THRB: variants seen among roughly 807,000 people sequenced by gnomAD.
The protein encoded by THRB is thyroid hormone receptor beta.
A neutral mutation model predicts 47.8 loss-of-function variants in THRB; 12 were observed. The observed-to-expected ratio is 0.25, with a 90% CI of 0.16 to 0.41. The LOEUF is 0.41. THRB is among the 10% of genes least tolerant of loss of function. THRB has a pLI of 1.00. For missense variants in THRB, 348 were observed against 589.2 expected (o/e 0.59, Z 4.24); for synonymous variants, 218 against 212.2 (o/e 1.03, Z -0.24).
At chr3:24,259,328 A>G (rs931140925) in intron 3 of THRB, among the ~76,000 whole-genome samples, 4 of 152,206 alleles carry the variant, frequency 2.6e-5, no homozygotes, top group South Asian at 2.1e-4. Context: ...CAACTACGGC[A>G]TGGAAAAGAG....
At position 24,223,232 on chromosome 3, in the gene THRB, T is replaced by A. The variant is rs561035363; in HGVS notation, c.22+5706A>T. Among the ~76,000 whole-genome samples the A allele has an allele frequency of 1.6e-4, 25 of 152,310 alleles. No individual in the cohort carries two copies. The East Asian group carries it at 4.4e-3, about 27-fold the overall frequency. On this transcript the variant is annotated intron_variant, in intron 4 of 10. Transcript: ENST00000646209. ...CTCACCACTTTGTGTGAGTGTTTGG[T>A]GCACAAAGGTAACAATGCAAGTGTT... is the stretch of plus-strand genomic sequence containing the variant.
intron 4 of THRB, among the ~76,000 whole-genome samples, chr3:24,204,933 C>T (rs200431391): frequency 7.9e-5 from 12 of 152,010 alleles, no homozygotes; most frequent in Admixed American, 6.6e-5. Context: ...TGAAATGAAG[C>T]AAGAAGAGAA....
chr3:24,299,141 G>C (rs865907180), intron 2 of THRB, among the ~76,000 whole-genome samples: 1 of 151,126 alleles, frequency 6.6e-6, no homozygotes, highest in Non-Finnish European at 1.5e-5. Flanking sequence ...CCAGCTACTC[G>C]GGAGGCTGAG....
chr3:24,479,653 G>A (rs1696068419), intron 1 of THRB, among the ~76,000 whole-genome samples: 1 of 152,154 alleles, frequency 6.6e-6, no homozygotes, highest in South Asian at 2.1e-4. Context: ...ATGCTGGTGT[G>A]GTCAGCTTAG....
At chr3:24,176,894 TAACA>T (rs768629723) in intron 5 of THRB, among the ~76,000 whole-genome samples, 25 of 152,178 alleles carry the variant, frequency 1.6e-4, no homozygotes, top group Non-Finnish European at 2.8e-4. Flanking sequence ...GTAAATATAC[TAACA>T]ATCATTGAAC....
At position 24,120,451 on chromosome 3, in the gene THRB, C is replaced by T. The variant is rs2031480624; in HGVS notation, c.*2433G>A. 1.3e-5 allele frequency: 2 copies of T among 152,206 alleles called. No individual in the cohort carries two copies. The highest frequency in any genetic ancestry group is 1.3e-4 in the Admixed American group (2 of 15,280). 9.4% of individuals were successfully genotyped at this position (152,206 alleles called of 1,614,324 possible). Reference sequence around the variant, plus strand: ...ATTTAGCTTGAGATCAGGCTCTGAACTTATATTCAAATCTGGGTGTCTGAT... The same window carrying T: ...ATTTAGCTTGAGATCAGGCTCTGAATTTATATTCAAATCTGGGTGTCTGAT... On this transcript the variant is annotated 3_prime_UTR_variant, in exon 11 of 11. Transcript: ENST00000646209.
At chr3:24,208,737 A>G (rs1256296226) in intron 4 of THRB, among the ~76,000 whole-genome samples, 1 of 152,244 alleles carries the variant, frequency 6.6e-6, no homozygotes, top group Non-Finnish European at 1.5e-5. Context: ...ACCTAAAACC[A>G]TAAAAACCCT....
intron 1 of THRB, among the ~76,000 whole-genome samples, chr3:24,487,967 G>A (rs372270445): frequency 4.6e-5 from 7 of 152,196 alleles, no homozygotes; most frequent in African/African-American, 1.7e-4. Flanking sequence ...AAGTACATCT[G>A]AACCATCTTG....
At chr3:24,139,943 G>C (rs2035223431) in intron 8 of THRB, among the ~76,000 whole-genome samples, 1 of 152,180 alleles carries the variant, frequency 6.6e-6, no homozygotes, top group South Asian at 2.1e-4. Context: ...ACACGTGGCA[G>C]TGTTGCAAGC....
chr3:24,236,834 G>A (rs113647006), intron 3 of THRB, among the ~76,000 whole-genome samples: 5 of 151,986 alleles, frequency 3.3e-5, no homozygotes, highest in African/African-American at 9.7e-5. Context: ...ATCCTTCCCC[G>A]AGCCCTTTGC....
At chr3:24,451,878 G>A (rs912704794) in intron 1 of THRB, among the ~76,000 whole-genome samples, 24 of 152,218 alleles carry the variant, frequency 1.6e-4, no homozygotes, top group African/African-American at 5.5e-4. Flanking sequence ...GTTTACTGAC[G>A]TGGGGTGAAC....
intron 5 of THRB, among the ~76,000 whole-genome samples, chr3:24,176,786 G>A (rs894214949): frequency 3.9e-5 from 6 of 152,110 alleles, no homozygotes; most frequent in Non-Finnish European, 8.8e-5. Flanking sequence ...GCCAGAGGCT[G>A]GGCACAGGAA....
intron 1 of THRB, among the ~76,000 whole-genome samples, chr3:24,417,669 A>T (rs969656791): frequency 2.0e-5 from 3 of 151,888 alleles, no homozygotes; most frequent in African/African-American, 7.2e-5. Flanking sequence ...ATGATTCCAC[A>T]TTGGAATAAC....
intron 6 of THRB, among the ~76,000 whole-genome samples, chr3:24,150,604 A>G (rs1575423569): frequency 6.6e-6 from 1 of 152,232 alleles, no homozygotes; most frequent in Admixed American, 6.5e-5. Context: ...TCCTGAAGAC[A>G]TATGTGAGGC....
chr3:24,219,395 A>G (rs955945068), intron 4 of THRB, among the ~76,000 whole-genome samples: 3 of 152,234 alleles, frequency 2.0e-5, no homozygotes, highest in African/African-American at 7.2e-5. Flanking sequence ...CATTACTTCA[A>G]TGAAAAATGC....
intron 1 of THRB, among the ~76,000 whole-genome samples, chr3:24,391,889 T>G (rs968792942): frequency 1.3e-5 from 2 of 152,158 alleles, no homozygotes; most frequent in Non-Finnish European, 2.9e-5. Flanking sequence ...TGGGAATTAT[T>G]ATGGTTCACA....
chr3:24,124,055 C>T (rs533751364), intron 10 of THRB, among the ~76,000 whole-genome samples: 1 of 152,260 alleles, frequency 6.6e-6, no homozygotes, highest in East Asian at 1.9e-4. Flanking sequence ...CCAACGTGCC[C>T]CTGCTAAGTT....
chr3:24,409,806 C>T (rs899569953), intron 1 of THRB, among the ~76,000 whole-genome samples: 2 of 151,744 alleles, frequency 1.3e-5, no homozygotes, highest in Admixed American at 6.6e-5. Flanking sequence ...GTAAAAAATA[C>T]CCCTGAAAGC....
intron 2 of THRB, among the ~76,000 whole-genome samples, chr3:24,302,631 C>T (rs755651355): frequency 6.6e-6 from 1 of 152,162 alleles, no homozygotes; most frequent in Non-Finnish European, 1.5e-5. Flanking sequence ...GTAAGTGAAG[C>T]CCTCCCTAAT....
Sources: allele counts gnomAD v4.1 joint callset (sites outside exome capture counted in the v4.1 genomes callset), GRCh38; gene constraint gnomAD v4.1.1; transcripts MANE v1.5; gene names NCBI Gene and HGNC (gene_info 2026-07-23, HGNC 2026-07-21).